NDRG3: variants seen among roughly 807,000 people sequenced by gnomAD.
NDRG3 encodes the protein protein NDRG3.
Under a neutral mutation model 57.2 loss-of-function variants are expected in NDRG3, and 23 were observed. The observed-to-expected ratio is 0.40, with a 90% confidence interval of 0.29 to 0.57. The LOEUF is 0.57. Ranked by LOEUF, NDRG3 falls within the 20% of genes least tolerant of loss-of-function variation. NDRG3 has a pLI of 0.42. For missense variants in NDRG3, 384 were observed against 457.3 expected (o/e 0.84, Z 1.46); for synonymous variants, 132 against 162.6 (o/e 0.81, Z 1.43).
chr20:36,739,165 A>AAAAG, intron 1 of NDRG3, among the ~76,000 whole-genome samples: 1 of 136,998 alleles, frequency 7.3e-6, no homozygotes, highest in Non-Finnish European at 1.5e-5. Context: ...AAAAAAAAAA[A>AAAAG]AGGCCAGGCA....
intron 13 of NDRG3, among the ~76,000 whole-genome samples, chr20:36,659,802 T>C (rs901728039): frequency 2.6e-5 from 4 of 151,588 alleles, no homozygotes; most frequent in African/African-American, 9.7e-5. Context: ...GGTTTCACCA[T>C]ATTGGCTAGG....
Position 36,739,150 on chromosome 20 carries a change from A to T in NDRG3, c.-49+6895T>A, listed in dbSNP as rs1985780070. ...ACCCCATCTCAAAAAAAAAAAAAAA[A>T]AAAAAAAAAAAAAAAAGGCCAGGCA... On this transcript the variant is annotated intron_variant, in intron 1 of 15. Transcript: ENST00000349004. Among the ~76,000 whole-genome samples the T allele has an allele frequency of 2.8e-5, 4 of 141,120 alleles. 1 individual carries two copies. The highest frequency in any genetic ancestry group is 2.0e-4 in the East Asian group (1 of 4,964). 92.6% of individuals were successfully genotyped at this position (141,120 alleles called of 152,430 possible). A position where few individuals can be genotyped will look rare whatever the true frequency, so the allele number is the denominator to read the frequency against.
chr20:36,744,585 T>C (rs1023178033), intron 1 of NDRG3, among the ~76,000 whole-genome samples: 3 of 151,924 alleles, frequency 2.0e-5, no homozygotes, highest in African/African-American at 7.3e-5. Flanking sequence ...AAGGTGGTGA[T>C]TTAGTGGAGC....
At chr20:36,714,537 G>A (rs1984113011) in intron 2 of NDRG3, among the ~76,000 whole-genome samples, 1 of 150,500 alleles carries the variant, frequency 6.6e-6, no homozygotes, top group Non-Finnish European at 1.5e-5. Context: ...CGCCTCCTGG[G>A]TTCAAGCCAT....
intron 9 of NDRG3, among the ~76,000 whole-genome samples, chr20:36,668,367 G>C (rs1979819785): frequency 6.6e-6 from 1 of 152,090 alleles, no homozygotes; most frequent in South Asian, 2.1e-4. Context: ...CGGATATATA[G>C]AGCTATCTCA....
intron 3 of NDRG3, among the ~76,000 whole-genome samples, chr20:36,698,078 G>A (rs1252585903): frequency 6.8e-6 from 1 of 146,564 alleles, no homozygotes; most frequent in Non-Finnish European, 1.5e-5. Context: ...TGATTTTCCT[G>A]CCTTGGCCTC....
intron 1 of NDRG3, among the ~76,000 whole-genome samples, chr20:36,725,022 G>A (rs754475548): frequency 6.6e-5 from 10 of 151,470 alleles, no homozygotes; most frequent in African/African-American, 9.7e-5. Context: ...TCGGCCGGGC[G>A]CAGTGGCTCA....
At chr20:36,728,857 C>G (rs1177124558) in intron 1 of NDRG3, among the ~76,000 whole-genome samples, 1 of 152,088 alleles carries the variant, frequency 6.6e-6, no homozygotes, top group African/African-American at 2.4e-5. Flanking sequence ...TCCCAAGTAG[C>G]TGGGACTATA....
At chr20:36,723,202 G>A (rs1359790884) in intron 1 of NDRG3, among the ~76,000 whole-genome samples, 2 of 152,174 alleles carry the variant, frequency 1.3e-5, no homozygotes, top group Admixed American at 6.5e-5. Context: ...GTTTTAGAGT[G>A]ATCTATAGCA....
chr20:36,741,436 T>G (rs1237282550), intron 1 of NDRG3, among the ~76,000 whole-genome samples: 2 of 152,222 alleles, frequency 1.3e-5, no homozygotes, highest in Non-Finnish European at 2.9e-5. Flanking sequence ...AGCAAGCTCT[T>G]TTTTTAATCC....
intron 1 of NDRG3, among the ~76,000 whole-genome samples, chr20:36,727,509 C>T (rs575755659): frequency 7.9e-5 from 12 of 151,970 alleles, no homozygotes; most frequent in Admixed American, 6.6e-4. Context: ...CATGAGCCAC[C>T]GCACCCAGCC....
Position 36,656,527 on chromosome 20 carries a change from C to T in NDRG3, c.864G>A (p.Ala288=), listed in dbSNP as rs371140287. The T allele has an allele frequency of 3.4e-5, 55 of 1,613,844 alleles. No individual in the cohort carries two copies. The highest frequency in any genetic ancestry group is 4.2e-5 in the Non-Finnish European group (49 of 1,179,930). ...NPINTTLLKM[A]DCGGLPQVVQ... ...CTACCTGGGGCAGTCCCCCACAGTC[C>T]GCCATCTAGAAAAGGAAAAATATGC... is the stretch of plus-strand genomic sequence containing the variant. Residue 288 remains alanine (A), a synonymous_variant, in exon 14 of 16, where the codon GCG becomes GCA. Transcript: ENST00000349004.
intron 3 of NDRG3, among the ~76,000 whole-genome samples, chr20:36,697,785 A>G (rs772015212): frequency 6.6e-6 from 1 of 151,776 alleles, no homozygotes; most frequent in Non-Finnish European, 1.5e-5. Context: ...GGTGCCATGT[A>G]TGATCTATAA....
At chr20:36,658,665 C>G (rs1375727034) in intron 13 of NDRG3, among the ~76,000 whole-genome samples, 1 of 152,154 alleles carries the variant, frequency 6.6e-6, no homozygotes, top group Non-Finnish European at 1.5e-5. Context: ...CAAGTTCAAA[C>G]TAGAAGGTCA....
At position 36,687,544 on chromosome 20, in the gene NDRG3, A is replaced by C. The variant is rs552570621; in HGVS notation, c.268T>G (p.Cys90Gly). ...TGCTGGCCTGGGGCATCCACATGAC[A>C]GACAGCAAAGTGCTGGGTGATCTCT... is the stretch of plus-strand genomic sequence containing the variant. ...MQEITQHFAV[C>G]HVDAPGQQEG... is the part of the protein sequence containing the mutation. Residue 90 changes from cysteine to glycine, a missense_variant, in exon 5 of 16, where the codon TGT (cysteine) becomes GGT (glycine). Cys to Gly is a radical substitution (Grantham distance 159). Transcript: ENST00000349004. The C allele has an allele frequency of 1.9e-6, 3 of 1,614,174 alleles. No individual in the cohort carries two copies. The South Asian group carries it at 3.3e-5, about 18-fold the overall frequency.
Position 36,666,369 on chromosome 20 carries a change from G to A in NDRG3, c.612C>T (p.Asp204=). 4 of 1,614,006 alleles carry A rather than the reference G, an allele frequency of 2.5e-6. No homozygotes were observed. Among genetic ancestry groups the A allele is most frequent in the Non-Finnish European group, 3.4e-6 (4 of 1,179,858 alleles). Residue 204 remains aspartate, a synonymous_variant, in exon 10 of 16, where the codon GAC becomes GAT. Transcript: ENST00000349004. ...TATGCATTCTGTAGGTTTGGATCAG[G>A]TCCAGGTTGGCCTGTAACTCTTCCT... ...FGQEELQANL[D]LIQTYRMHIA... is the part of the protein sequence containing the mutation.
intron 1 of NDRG3, among the ~76,000 whole-genome samples, chr20:36,743,233 C>T (rs1986004881): frequency 6.6e-6 from 1 of 152,226 alleles, no homozygotes; most frequent in African/African-American, 2.4e-5. Context: ...GAGGCTCACG[C>T]CTGTAATCCC....
intron 3 of NDRG3, among the ~76,000 whole-genome samples, chr20:36,703,199 A>G (rs1348835446): frequency 6.6e-6 from 1 of 152,124 alleles, no homozygotes; most frequent in Non-Finnish European, 1.5e-5. Flanking sequence ...CATCTGTCTC[A>G]ATGCTGTCTC....
chr20:36,659,742 A>C (rs928375950), intron 13 of NDRG3, among the ~76,000 whole-genome samples: 1 of 151,946 alleles, frequency 6.6e-6, no homozygotes, highest in African/African-American at 2.4e-5. Flanking sequence ...CTGGGACTAC[A>C]GGCGTGGGCC....
Sources: allele counts gnomAD v4.1 joint callset (sites outside exome capture counted in the v4.1 genomes callset), GRCh38; gene constraint gnomAD v4.1.1; transcripts MANE v1.5; gene names NCBI Gene and HGNC (gene_info 2026-07-23, HGNC 2026-07-21).